The following PIK3CB variants were observed in gnomAD, a reference collection of about 807,000 sequenced individuals.
PIK3CB encodes phosphatidylinositol-4,5-bisphosphate 3-kinase catalytic subunit beta.
A neutral mutation model predicts 136.8 loss-of-function variants in PIK3CB; 39 were observed. The observed-to-expected ratio is 0.29, with a 90% CI of 0.22 to 0.37. The LOEUF (loss-of-function observed/expected upper bound fraction) is 0.37. Among genes scored for constraint, PIK3CB ranks in the 10% least tolerant of loss-of-function variants. The pLI, the probability that PIK3CB is intolerant of heterozygous loss-of-function variation, is 1.00. For synonymous variants in PIK3CB, 428 were observed against 436.6 expected, an observed-to-expected ratio of 0.98 and a Z score of 0.25; for missense variants, 868 against 1,275.4, an observed-to-expected ratio of 0.68 and a Z score of 4.87.
intron 8 of PIK3CB, among the ~76,000 whole-genome samples, chr3:138,717,539 T>TC: frequency 6.6e-6 from 1 of 151,990 alleles, no homozygotes; most frequent in East Asian, 1.9e-4. Context: ...GTGGTTTTTT[T>TC]TTAAACTTTC....
chr3:138,708,734 A>G (rs1314812349), intron 10 of PIK3CB, among the ~76,000 whole-genome samples: 1 of 151,028 alleles, frequency 6.6e-6, no homozygotes, highest in East Asian at 2.0e-4. Context: ...CACACACACC[A>G]CTGCACCTGG....
intron 6 of PIK3CB, among the ~76,000 whole-genome samples, chr3:138,736,961 C>T (rs1576371251): frequency 6.6e-6 from 1 of 152,012 alleles, no homozygotes. Flanking sequence ...ACCATTTAAT[C>T]GATTTTTAAA....
intron 1 of PIK3CB, among the ~76,000 whole-genome samples, chr3:138,824,497 G>C (rs746516551): frequency 4.6e-5 from 7 of 152,048 alleles, no homozygotes; most frequent in Non-Finnish European, 1.0e-4. Context: ...GCTATTAAAA[G>C]AAAATAAGGA....
At chr3:138,824,614 A>AC (rs1302777872) in intron 1 of PIK3CB, among the ~76,000 whole-genome samples, 4 of 151,608 alleles carry the variant, frequency 2.6e-5, no homozygotes, top group Admixed American at 1.3e-4. Flanking sequence ...AATCACTTGA[A>AC]CCCGGGAGGC....
chr3:138,738,615 A>C (rs2045167633), intron 5 of PIK3CB, among the ~76,000 whole-genome samples: 1 of 152,236 alleles, frequency 6.6e-6, no homozygotes, highest in Non-Finnish European at 1.5e-5. Flanking sequence ...AAACATATAG[A>C]AATTCTAATC....
intron 1 of PIK3CB, among the ~76,000 whole-genome samples, chr3:138,798,005 G>A (rs1576419408): frequency 6.6e-6 from 1 of 152,098 alleles, no homozygotes; most frequent in East Asian, 1.9e-4. Flanking sequence ...AAGATTTTCT[G>A]TGTAAATCTC....
At chr3:138,805,833 G>A (rs991194272) in intron 1 of PIK3CB, among the ~76,000 whole-genome samples, 1 of 151,574 alleles carries the variant, frequency 6.6e-6, no homozygotes, top group African/African-American at 2.4e-5. Flanking sequence ...CGGTCCAAGC[G>A]ATTCTCCTGC....
intron 1 of PIK3CB, among the ~76,000 whole-genome samples, chr3:138,800,999 T>C (rs975044042): frequency 6.6e-6 from 1 of 152,172 alleles, no homozygotes; most frequent in Non-Finnish European, 1.5e-5. Flanking sequence ...TAAAAAAGAA[T>C]AGATTCAGGA....
intron 19 of PIK3CB, among the ~76,000 whole-genome samples, chr3:138,680,124 C>T (rs959128200): frequency 1.3e-5 from 2 of 151,822 alleles, no homozygotes; most frequent in African/African-American, 4.8e-5. Context: ...CTTTGGGAGC[C>T]CAAGGCAGGC....
rs137924813 is a variant in PIK3CB, at chr3:138,723,164, G to T, written c.1051-8445C>A. On this transcript the variant is annotated intron_variant, in intron 8 of 23. Coordinates refer to ENST00000674063, the MANE Select transcript of PIK3CB (RefSeq NM_006219.3). ...TCCATCCTCTAAATTTGTATCACATGAAATTTTATAAAAATTGTCCCATTT... is the reference window on the plus strand; with the variant it reads ...TCCATCCTCTAAATTTGTATCACATTAAATTTTATAAAAATTGTCCCATTT... Among the ~76,000 whole-genome samples the T allele has an allele frequency of 3.8e-3, 577 of 152,130 alleles. 5 individuals are homozygous for T. Among genetic ancestry groups the T allele is most frequent in the African/African-American group, 0.013 (554 of 41,502 alleles).
chr3:138,760,612 A>C (rs2045650723), intron 2 of PIK3CB, among the ~76,000 whole-genome samples: 1 of 152,212 alleles, frequency 6.6e-6, no homozygotes, highest in African/African-American at 2.4e-5. Flanking sequence ...GTGTCATATC[A>C]AAAGAGACAG....
At chr3:138,683,625 G>T in intron 18 of PIK3CB, 53 bp downstream of exon 18, 1 of 964,946 alleles carries the variant, frequency 1.0e-6, no homozygotes, top group South Asian at 1.3e-5. Context: ...AAAGCAAAAT[G>T]GCAACAAATG....
intron 6 of PIK3CB, 119 bp from the exon 7 acceptor site, chr3:138,734,923 G>T: frequency 3.9e-6 from 2 of 508,240 alleles, no homozygotes; most frequent in Non-Finnish European, 6.5e-6. Flanking sequence ...TTAAACCACA[G>T]CAGAATATCA....
chr3:138,736,422 C>T (rs1330814550), intron 6 of PIK3CB, among the ~76,000 whole-genome samples: 2 of 152,150 alleles, frequency 1.3e-5, no homozygotes, highest in African/African-American at 4.8e-5. Context: ...CATGCCTATA[C>T]CCCTCTTGTT....
chr3:138,825,792 C>A, intron 1 of PIK3CB: 1 of 894,896 alleles, frequency 1.1e-6, no homozygotes, highest in Non-Finnish European at 1.8e-6. Context: ...TTGCTCCAGT[C>A]AATGTTACAA....
intron 1 of PIK3CB, among the ~76,000 whole-genome samples, chr3:138,828,202 T>C (rs1203461799): frequency 6.7e-6 from 1 of 148,930 alleles, no homozygotes; most frequent in Non-Finnish European, 1.5e-5. Flanking sequence ...TTTTTTTTTT[T>C]TGAGATGGAG....
At chr3:138,818,391 TG>T (rs1337303395) in intron 1 of PIK3CB, among the ~76,000 whole-genome samples, 6 of 152,226 alleles carry the variant, frequency 3.9e-5, no homozygotes, top group African/African-American at 1.4e-4. Context: ...ATTTATTCAC[TG>T]TGTGACCTTG....
intron 2 of PIK3CB, among the ~76,000 whole-genome samples, chr3:138,775,970 G>C (rs1391413497): frequency 6.6e-6 from 1 of 152,178 alleles, no homozygotes; most frequent in Non-Finnish European, 1.5e-5. Context: ...GGCTGAGGTG[G>C]GTGGATCACC....
At chr3:138,690,328 T>G (rs2043981845) in intron 15 of PIK3CB, among the ~76,000 whole-genome samples, 1 of 151,780 alleles carries the variant, frequency 6.6e-6, no homozygotes, top group Admixed American at 6.6e-5. Context: ...CAAGCATTAG[T>G]TTCAGCACTA....
Sources: gnomAD v4.1 joint callset for allele counts (sites outside exome capture counted in the v4.1 genomes callset) on GRCh38, gnomAD v4.1.1 for gene constraint, MANE v1.5 for transcripts, NCBI Gene and HGNC (gene_info 2026-07-23, HGNC 2026-07-21) for gene names.